CACNA2D3: variants seen among roughly 807,000 people sequenced by gnomAD.
CACNA2D3 encodes the protein voltage-dependent calcium channel subunit alpha-2/delta-3.
In CACNA2D3, 60 loss-of-function variants were observed where a neutral mutation model predicts 160.6. The ratio of observed to expected loss-of-function variants is 0.37; its 90% confidence interval spans 0.30 to 0.46. The LOEUF (loss-of-function observed/expected upper bound fraction) is 0.46. Among genes scored for constraint, CACNA2D3 ranks in the 20% least tolerant of loss-of-function variants. CACNA2D3 has a pLI of 1.00. For synonymous variants in CACNA2D3, 558 were observed against 492.9 expected, an observed-to-expected ratio of 1.13 and a Z score of -1.75; for missense variants, 1,205 against 1,365.0, an observed-to-expected ratio of 0.88 and a Z score of 1.85.
chr3:54,723,331 A>C (rs1349117501), intron 11 of CACNA2D3, among the ~76,000 whole-genome samples: 1 of 151,912 alleles, frequency 6.6e-6, no homozygotes, highest in South Asian at 2.1e-4. Context: ...TGTTGGCTCC[A>C]TGGGGGTGGG....
At chr3:54,621,863 A>G (rs1698993940) in intron 9 of CACNA2D3, among the ~76,000 whole-genome samples, 2 of 152,196 alleles carry the variant, frequency 1.3e-5, no homozygotes, top group African/African-American at 4.8e-5. Context: ...GTCTGTTTTA[A>G]TTTTCACATG....
At chr3:54,793,526 T>A (rs1702803630) in intron 13 of CACNA2D3, among the ~76,000 whole-genome samples, 1 of 152,364 alleles carries the variant, frequency 6.6e-6, no homozygotes, top group Admixed American at 6.5e-5. Context: ...TCATCTCAAA[T>A]GTCTTTCAGA....
intron 13 of CACNA2D3, among the ~76,000 whole-genome samples, chr3:54,810,437 T>C (rs180850761): frequency 6.0e-4 from 92 of 152,266 alleles, no homozygotes; most frequent in African/African-American, 2.2e-3. Context: ...CTTTGCTCTA[T>C]AGTAGAGTGC....
intron 9 of CACNA2D3, among the ~76,000 whole-genome samples, chr3:54,597,282 C>T (rs1178381353): frequency 1.3e-5 from 2 of 152,210 alleles, no homozygotes; most frequent in African/African-American, 4.8e-5. Context: ...CTTAGGGCCT[C>T]AGCACCTTGT....
intron 5 of CACNA2D3, among the ~76,000 whole-genome samples, chr3:54,539,257 G>A (rs1409056359): frequency 6.6e-6 from 1 of 152,208 alleles, no homozygotes; most frequent in Non-Finnish European, 1.5e-5. Context: ...GCTTAAGTGA[G>A]CCACAGCATG....
chr3:54,173,184 GTTTAA>G (rs1250565663), intron 2 of CACNA2D3, among the ~76,000 whole-genome samples: 1 of 152,176 alleles, frequency 6.6e-6, no homozygotes. Context: ...GGAGAAAACT[GTTTAA>G]TTTGTTTAAC....
At chr3:54,328,630 C>T (rs375916669) in intron 3 of CACNA2D3, among the ~76,000 whole-genome samples, 14 of 152,244 alleles carry the variant, frequency 9.2e-5, no homozygotes, top group Admixed American at 2.6e-4. Flanking sequence ...TGGGTCCCTC[C>T]GGCTCCTCAT....
At position 55,074,003 on chromosome 3, in the gene CACNA2D3, A is replaced by C. The variant is rs1256652366; in HGVS notation, c.3184-111A>C. 2.7e-6 allele frequency: 3 copies of C among 1,097,114 alleles called. No homozygotes were observed. The African/African-American group carries it at 4.6e-5, about 17-fold the overall frequency. The allele number at this position is 1,097,114 out of a possible 1,614,324, so 68.0% of individuals were successfully genotyped here. A position where few individuals can be genotyped will look rare whatever the true frequency, so the allele number is the denominator to read the frequency against. ...GTAAACTGAATCTGCACCATCATCT[A>C]GGTCCCAGAAGACTTCGTTCTTACG... On this transcript the variant is annotated intron_variant, in intron 37 of 37. Coordinates refer to ENST00000474759, the MANE Select transcript of CACNA2D3 (RefSeq NM_018398.3).
chr3:54,254,897 A>G (rs1206855235), intron 2 of CACNA2D3, among the ~76,000 whole-genome samples: 3 of 152,208 alleles, frequency 2.0e-5, no homozygotes, highest in African/African-American at 2.4e-5. Context: ...TGTGAAGAGC[A>G]TTAATAGGAC....
chr3:54,434,142 A>T (rs1700028389), intron 4 of CACNA2D3, among the ~76,000 whole-genome samples: 1 of 152,196 alleles, frequency 6.6e-6, no homozygotes, highest in Non-Finnish European at 1.5e-5. Context: ...GAGTACTGTC[A>T]GTGGGGGCCA....
chr3:54,786,826 G>C (rs1172935784), intron 13 of CACNA2D3, among the ~76,000 whole-genome samples: 1 of 152,142 alleles, frequency 6.6e-6, no homozygotes, highest in African/African-American at 2.4e-5. Context: ...ACACCTCAGA[G>C]AGCCTGCATC....
chr3:54,737,004 C>T (rs540715520), intron 11 of CACNA2D3, among the ~76,000 whole-genome samples: 3 of 152,182 alleles, frequency 2.0e-5, no homozygotes, highest in South Asian at 2.1e-4. Context: ...TCATTTAATC[C>T]CTCTATTTCT....
chr3:55,069,641 G>A (rs1462450899), intron 35 of CACNA2D3, among the ~76,000 whole-genome samples: 1 of 152,172 alleles, frequency 6.6e-6, no homozygotes, highest in East Asian at 1.9e-4. Context: ...GGGTTCATGT[G>A]GGTTTTCTAT....
intron 2 of CACNA2D3, among the ~76,000 whole-genome samples, chr3:54,193,427 T>A (rs1204225314): frequency 2.6e-5 from 4 of 152,212 alleles, no homozygotes; most frequent in African/African-American, 9.6e-5. Context: ...GAGCTTCTCC[T>A]CTGTCTCTGA....
chr3:54,199,628 C>CT (rs35513881), intron 2 of CACNA2D3, among the ~76,000 whole-genome samples: 53,396 of 151,880 alleles, frequency 0.35, 12,175 homozygotes, highest in African/African-American at 0.65. Context: ...ATGAGAGAAT[C>CT]TTAAGGGAGA....
intron 2 of CACNA2D3, among the ~76,000 whole-genome samples, chr3:54,297,358 C>T (rs1035897917): frequency 1.3e-5 from 2 of 152,090 alleles, no homozygotes; most frequent in African/African-American, 4.8e-5. Flanking sequence ...TGGCTATTAT[C>T]CTTATTATTA....
chr3:54,973,130 T>G (rs1702313397), intron 29 of CACNA2D3, among the ~76,000 whole-genome samples: 1 of 151,894 alleles, frequency 6.6e-6, no homozygotes, highest in Non-Finnish European at 1.5e-5. Context: ...TGAAGACAAT[T>G]CCTGAAGCCT....
Position 54,190,247 on chromosome 3 carries a change from G to A in CACNA2D3, c.204+66653G>A, listed in dbSNP as rs78730893. Among the ~76,000 whole-genome samples the A allele has an allele frequency of 3.6e-3, 553 of 152,316 alleles. 3 individuals are homozygous for A. Among genetic ancestry groups the A allele is most frequent in the African/African-American group, 0.012 (502 of 41,556 alleles). On this transcript the variant is annotated intron_variant, in intron 2 of 37. Coordinates refer to ENST00000474759, the MANE Select transcript of CACNA2D3 (RefSeq NM_018398.3). ...AAGGAATTTGACATGAATTTCGGGG[G>A]CACACACACATTTAGGCCATGCTAC...
intron 4 of CACNA2D3, among the ~76,000 whole-genome samples, chr3:54,431,076 C>T (rs1264921645): frequency 5.3e-5 from 8 of 151,994 alleles, no homozygotes; most frequent in African/African-American, 1.7e-4. Flanking sequence ...CGGTGGCTCA[C>T]GGCTGTAATC....
Sources: gnomAD v4.1 joint callset for allele counts (sites outside exome capture counted in the v4.1 genomes callset) on GRCh38, gnomAD v4.1.1 for gene constraint, MANE v1.5 for transcripts, NCBI Gene and HGNC (gene_info 2026-07-23, HGNC 2026-07-21) for gene names.